Variants in MYCT1 observed in about 807,000 individuals in gnomAD.
The protein encoded by MYCT1 is MYC target 1.
MYCT1 carries 12 observed loss-of-function variants against 15.0 expected under a neutral mutation model. The ratio of observed to expected loss-of-function variants is 0.80; its 90% CI spans 0.51 to 1.29. The LOEUF is 1.29. Among genes scored for constraint, MYCT1 ranks in the 50% most tolerant of loss-of-function variants. The pLI is 0.00. For synonymous variants in MYCT1, 104 were observed against 102.7 expected (o/e 1.01, Z -0.07); for missense variants, 287 against 279.1 (o/e 1.03, Z -0.20).
chr6:152,738,256 T>C, the MYCT1 span, among the ~76,000 whole-genome samples: 3,925 of 152,186 alleles, frequency 0.026, 174 homozygotes, highest in African/African-American at 0.09. Context: ...TGAACATATA[T>C]TATAGACATA....
At chr6:152,707,368 T>C (rs2099722469) in intron 1 of MYCT1, among the ~76,000 whole-genome samples, 1 of 152,084 alleles carries the variant, frequency 6.6e-6, no homozygotes, top group Non-Finnish European at 1.5e-5. Flanking sequence ...TTTCTTGCTT[T>C]TGTGTTGTGT....
chr6:152,731,748 ATTTT>A, the MYCT1 span, among the ~76,000 whole-genome samples: 14 of 140,422 alleles, frequency 1.0e-4, no homozygotes, highest in East Asian at 4.2e-4. Context: ...AGAGAACGCC[ATTTT>A]TTTTTTTTTT....
chr6:152,728,164 G>GAAAAAAAA (rs5881002), downstream of MYCT1, among the ~76,000 whole-genome samples: 7 of 143,508 alleles, frequency 4.9e-5, no homozygotes, highest in Admixed American at 1.4e-4. Flanking sequence ...CCTCTGTCTG[G>GAAAAAAAA]AAAAAAAAAA....
Position 152,721,932 on chromosome 6 carries a change from T to A in MYCT1, c.387T>A (p.Ser129Arg). The change falls in exon 2 of 2, where the codon AGT becomes AGA. Residue 129 changes from serine (S) to arginine (R), a missense_variant. Ser to Arg is a moderately radical substitution (Grantham distance 110). Transcript: ENST00000367245. ...GLNRTGFYRH[S>R]GCERRSNLSL... ...ACAGAACTGGATTTTACCGCCACAGTGGCTGTGAACGTCGAAGCAACCTCA... is the reference window on the plus strand; with the variant it reads ...ACAGAACTGGATTTTACCGCCACAGAGGCTGTGAACGTCGAAGCAACCTCA... 2 of 1,614,202 alleles carry A rather than the reference T, an allele frequency of 1.2e-6. No individual in the cohort carries two copies. The highest frequency in any genetic ancestry group is 1.7e-6 in the Non-Finnish European group (2 of 1,180,026).
chr6:152,717,471 G>A (rs971025260), intron 1 of MYCT1, among the ~76,000 whole-genome samples: 1 of 152,088 alleles, frequency 6.6e-6, no homozygotes, highest in Non-Finnish European at 1.5e-5. Context: ...GGAGGGACCC[G>A]GTGGAAGGTA....
At chr6:152,743,511 G>A in the MYCT1 span, among the ~76,000 whole-genome samples, 1 of 152,240 alleles carries the variant, frequency 6.6e-6, no homozygotes, top group Non-Finnish European at 1.5e-5. Flanking sequence ...GCAAGCAAAT[G>A]TAAATCACTG....
chr6:152,746,031 G>C, the MYCT1 span, among the ~76,000 whole-genome samples: 2 of 152,172 alleles, frequency 1.3e-5, no homozygotes, highest in Non-Finnish European at 1.5e-5. Flanking sequence ...CCCCATCTCA[G>C]AGGCTCTTCC....
At chr6:152,736,209 A>T in the MYCT1 span, among the ~76,000 whole-genome samples, 1 of 152,204 alleles carries the variant, frequency 6.6e-6, no homozygotes. Context: ...TATTCATTCC[A>T]GAGCACAGTG....
At chr6:152,727,959 T>G (rs2099725945), downstream of MYCT1, among the ~76,000 whole-genome samples, 1 of 151,924 alleles carries the variant, frequency 6.6e-6, no homozygotes, top group African/African-American at 2.4e-5. Context: ...AGGTCAGGAA[T>G]TCGAGACCCG....
intron 1 of MYCT1, among the ~76,000 whole-genome samples, chr6:152,700,803 C>T (rs1452936456): frequency 6.6e-6 from 1 of 152,114 alleles, no homozygotes; most frequent in Non-Finnish European, 1.5e-5. Flanking sequence ...TTGGTTGTTT[C>T]TGCTGTCTTG....
intron 1 of MYCT1, among the ~76,000 whole-genome samples, chr6:152,718,851 G>A (rs1480380151): frequency 6.6e-6 from 1 of 151,882 alleles, no homozygotes; most frequent in East Asian, 1.9e-4. Flanking sequence ...TATTATGCCT[G>A]CTTATATACT....
the MYCT1 span, among the ~76,000 whole-genome samples, chr6:152,740,767 A>G: frequency 1.3e-5 from 2 of 152,150 alleles, no homozygotes; most frequent in Non-Finnish European, 2.9e-5. Flanking sequence ...TTGAAAAACT[A>G]ATTTTTTTAT....
rs1357488828 is a variant in MYCT1 at position 152,706,246 on chromosome 6, G to A, written c.196+8148G>A. On this transcript the variant is annotated intron_variant, in intron 1 of 1. Transcript: ENST00000367245. ...GAAAATGAAGGAAAGGCTGGCTGAT[G>A]TTTAAGAAATCACTGTAACCATCAG... 19 of 707,256 alleles carry A rather than the reference G, an allele frequency of 2.7e-5. No individual in the cohort carries two copies. The Admixed American group carries it at 3.5e-4, about 13-fold the overall frequency. The allele number at this position is 707,256 out of a possible 1,614,324, so 43.8% of individuals were successfully genotyped here. A position where few individuals can be genotyped will look rare whatever the true frequency, so the allele number is the denominator to read the frequency against.
At chr6:152,731,477 C>T in the MYCT1 span, among the ~76,000 whole-genome samples, 2 of 152,002 alleles carry the variant, frequency 1.3e-5, no homozygotes, top group African/African-American at 4.8e-5. Flanking sequence ...CCCGTTAACT[C>T]GTCATTTACA....
chr6:152,732,183 T>C, the MYCT1 span, among the ~76,000 whole-genome samples: 2 of 152,158 alleles, frequency 1.3e-5, no homozygotes, highest in Non-Finnish European at 2.9e-5. Context: ...TAGATGAAGA[T>C]AAAATGTCAT....
chr6:152,746,826 A>T, the MYCT1 span, among the ~76,000 whole-genome samples: 1 of 152,324 alleles, frequency 6.6e-6, no homozygotes, highest in African/African-American at 2.4e-5. Context: ...TGAAGCAAAA[A>T]AATTCTGAGA....
the MYCT1 span, among the ~76,000 whole-genome samples, chr6:152,736,559 G>A: frequency 6.6e-6 from 1 of 152,216 alleles, no homozygotes; most frequent in Non-Finnish European, 1.5e-5. Flanking sequence ...TGTAAATTGT[G>A]TACATCGGTG....
chr6:152,743,434 G>A, the MYCT1 span, among the ~76,000 whole-genome samples: 1 of 152,188 alleles, frequency 6.6e-6, no homozygotes, highest in Non-Finnish European at 1.5e-5. Flanking sequence ...GACCTAGGAA[G>A]CGACTCCCCG....
In MYCT1 at chr6:152,697,967, A is replaced by G. The variant is rs549738043; in HGVS notation, c.65A>G (p.Asp22Gly). ...NYFSLAVLQR[D>G]RIKLLFFDIL... ...TTTTCTCTTGCTGTACTACAAAGAG[A>G]TAGAATCAAACTGCTTTTTTTCGAC... Residue 22 changes from aspartate to glycine, a missense_variant, in exon 1 of 2, where the codon GAT becomes GGT. Transcript: ENST00000367245. 44 of 1,487,918 alleles carry G rather than the reference A, an allele frequency of 3.0e-5. No homozygotes were observed. In the African/African-American group the frequency reaches 7.1e-4, roughly 24 times the overall value. 92.2% of individuals were successfully genotyped at this position (1,487,918 alleles called of 1,614,324 possible).
Sources: gnomAD v4.1 joint callset for allele counts (sites outside exome capture counted in the v4.1 genomes callset) on GRCh38, gnomAD v4.1.1 for gene constraint, MANE v1.5 for transcripts, NCBI Gene and HGNC (gene_info 2026-07-23, HGNC 2026-07-21) for gene names.